Variants in RAPGEF4 observed in about 807,000 individuals in gnomAD.
The protein encoded by RAPGEF4 is Rap guanine nucleotide exchange factor 4.
In RAPGEF4, 66 loss-of-function variants were observed where a neutral mutation model predicts 147.9. The ratio of observed to expected loss-of-function variants is 0.45; its 90% CI spans 0.37 to 0.55. The LOEUF (loss-of-function observed/expected upper bound fraction) is 0.55, where lower values mean the gene tolerates loss of function less well. RAPGEF4 is among the 20% of genes least tolerant of loss of function. RAPGEF4 has a pLI of 0.00. For missense variants in RAPGEF4, 1,071 were observed against 1,257.3 expected (o/e 0.85, Z 2.24); for synonymous variants, 419 against 442.7 (o/e 0.95, Z 0.67).
At chr2:172,847,051 T>C (rs1234471694) in intron 4 of RAPGEF4, among the ~76,000 whole-genome samples, 1 of 152,164 alleles carries the variant, frequency 6.6e-6, no homozygotes, top group Non-Finnish European at 1.5e-5. Flanking sequence ...GATGATTGAA[T>C]ACCATTCTGG....
chr2:172,993,250 G>T (rs1323581989), intron 15 of RAPGEF4, among the ~76,000 whole-genome samples: 1 of 152,176 alleles, frequency 6.6e-6, no homozygotes, highest in African/African-American at 2.4e-5. Flanking sequence ...ATTCCATGGA[G>T]CCCTTAGTCG....
In RAPGEF4 at chr2:172,919,016, C is replaced by T. The variant is rs1198042129; in HGVS notation, c.517+1142C>T. On this transcript the variant is annotated intron_variant, in intron 5 of 30. Transcript: ENST00000397081. ...AGCCTCTGCCCTGTCTCCCCATTTG[C>T]CTTCTGCTTTCCTGCAGAGGAGGAG... Among the ~76,000 whole-genome samples, 6 of 152,274 alleles carry T rather than the reference C, an allele frequency of 3.9e-5. No individual in the cohort carries two copies. In the South Asian group the frequency reaches 1.2e-3, roughly 32 times the overall value.
intron 4 of RAPGEF4, among the ~76,000 whole-genome samples, chr2:172,846,647 C>T (rs946118657): frequency 6.6e-6 from 1 of 152,134 alleles, no homozygotes; most frequent in African/African-American, 2.4e-5. Context: ...TGTTGAATAG[C>T]CCTCATGGTG....
chr2:172,949,937 C>A (rs1473369435), intron 6 of RAPGEF4, among the ~76,000 whole-genome samples: 1 of 152,152 alleles, frequency 6.6e-6, no homozygotes, highest in Non-Finnish European at 1.5e-5. Flanking sequence ...GAAAATACTT[C>A]CAAAGTTTTG....
At chr2:172,911,208 C>T (rs1365979070) in intron 4 of RAPGEF4, among the ~76,000 whole-genome samples, 1 of 152,156 alleles carries the variant, frequency 6.6e-6, no homozygotes, top group Non-Finnish European at 1.5e-5. Context: ...GTACAGTTCC[C>T]TGATGATGCT....
intron 21 of RAPGEF4, 117 bp from the exon 22 acceptor site, chr2:173,018,539 G>A: frequency 2.7e-6 from 3 of 1,131,782 alleles, no homozygotes; most frequent in Non-Finnish European, 2.5e-6. Context: ...AATAAATACA[G>A]TAACAAAAAT....
Position 172,735,908 on chromosome 2 carries a change from A to AGGCGGG in RAPGEF4, c.-70_-65dup. Reference sequence around the variant, plus strand: ...AGGAGCGGGGTCCGCGCGGCGGACGAGGCGGGGGCGGAGGCGCAGGCAGAG... The same window carrying AGGCGGG: ...AGGAGCGGGGTCCGCGCGGCGGACGAGGCGGGGGCGGGGGCGGAGGCGCAGGCAGAG... On this transcript the variant is annotated 5_prime_UTR_variant, in exon 1 of 31. Coordinates refer to ENST00000397081, the MANE Select transcript of RAPGEF4 (RefSeq NM_007023.4). The AGGCGGG allele has an allele frequency of 1.6e-6, 2 of 1,263,824 alleles. No individual in the cohort carries two copies. The highest frequency in any genetic ancestry group is 1.0e-6 in the Non-Finnish European group (1 of 980,766). The allele number at this position is 1,263,824 out of a possible 1,614,324, so 78.3% of individuals were successfully genotyped here. A position where few individuals can be genotyped will look rare whatever the true frequency, so the allele number is the denominator to read the frequency against.
chr2:173,050,115 T>A (rs1415679627), intron 30 of RAPGEF4, among the ~76,000 whole-genome samples: 4 of 152,106 alleles, frequency 2.6e-5, no homozygotes, highest in Admixed American at 2.0e-4. Context: ...AAGGGGAAAA[T>A]GTATTTAAAA....
intron 1 of RAPGEF4, among the ~76,000 whole-genome samples, chr2:172,782,859 G>A (rs1684809981): frequency 6.6e-6 from 1 of 152,154 alleles, no homozygotes; most frequent in Non-Finnish European, 1.5e-5. Flanking sequence ...AAGCATCCCC[G>A]TTTGGCTGGG....
chr2:172,953,567 C>T (rs1280474897), intron 6 of RAPGEF4, among the ~76,000 whole-genome samples: 1 of 151,978 alleles, frequency 6.6e-6, no homozygotes, highest in Non-Finnish European at 1.5e-5. Context: ...CCCCACTGAC[C>T]ACTATTAACT....
chr2:172,765,637 G>A (rs1696762747), intron 1 of RAPGEF4, among the ~76,000 whole-genome samples: 1 of 152,174 alleles, frequency 6.6e-6, no homozygotes, highest in Non-Finnish European at 1.5e-5. Flanking sequence ...AGTTTTATGT[G>A]TATGTAAGCC....
intron 15 of RAPGEF4, among the ~76,000 whole-genome samples, chr2:172,992,136 A>G (rs1370436668): frequency 1.3e-5 from 2 of 152,162 alleles, no homozygotes; most frequent in African/African-American, 4.8e-5. Flanking sequence ...CATACTCAAC[A>G]CTGTTTAGTA....
chr2:172,814,509 G>A, intron 4 of RAPGEF4, 84 bp downstream of exon 4: 3 of 1,471,224 alleles, frequency 2.0e-6, no homozygotes, highest in Admixed American at 1.7e-5. Flanking sequence ...TTACAGTCAA[G>A]CCTTAATGTG....
rs1684105890 is a variant in RAPGEF4 at position 173,037,023 on chromosome 2, G to A, written c.2853+331G>A. Among the ~76,000 whole-genome samples, 3 of 152,124 alleles carry A rather than the reference G, an allele frequency of 2.0e-5. No individual in the cohort carries two copies. In the South Asian group the frequency reaches 6.2e-4, roughly 31 times the overall value. On this transcript the variant is annotated intron_variant, in intron 29 of 30. Coordinates refer to ENST00000397081, the MANE Select transcript of RAPGEF4 (RefSeq NM_007023.4). ...GCTATAACGTTTGTGGAGCTAGACT[G>A]CCCCAGGATGCCTTTGAAAGGTTTA...
In RAPGEF4 at chr2:172,925,779, G is replaced by C. The variant is rs1295863638; in HGVS notation, c.537+3479G>C. Among the ~76,000 whole-genome samples the C allele has an allele frequency of 5.5e-4, 11 of 19,996 alleles. No individual in the cohort carries two copies. The East Asian group carries it at 0.02, about 37-fold the overall frequency. The allele number at this position is 19,996 out of a possible 152,430, so 13.1% of individuals were successfully genotyped here. On this transcript the variant is annotated intron_variant, in intron 6 of 30. Coordinates refer to ENST00000397081, the MANE Select transcript of RAPGEF4 (RefSeq NM_007023.4). ...AGAGAGAAAGGAAGAAAGAAAGAAA[G>C]AGAGAGAGAGAGAGAGAGAAAGAAA...
intron 4 of RAPGEF4, among the ~76,000 whole-genome samples, chr2:172,866,101 A>G (rs1396899410): frequency 6.6e-6 from 1 of 152,004 alleles, no homozygotes; most frequent in Non-Finnish European, 1.5e-5. Flanking sequence ...ATGGGCTTCT[A>G]CCATTCCAAT....
intron 7 of RAPGEF4, 56 bp downstream of exon 7, chr2:172,960,869 G>A (rs1689217157): frequency 7.1e-7 from 1 of 1,402,770 alleles, no homozygotes; most frequent in African/African-American, 1.4e-5. Context: ...AAGTACCTCT[G>A]GAGGTGGTCC....
intron 29 of RAPGEF4, among the ~76,000 whole-genome samples, chr2:173,046,474 T>A (rs147253544): frequency 6.6e-6 from 1 of 152,196 alleles, no homozygotes; most frequent in South Asian, 2.1e-4. Context: ...CAGAGGGGCA[T>A]ACTGGCAGCA....
chr2:173,036,098 T>C, intron 27 of RAPGEF4, 27 bp from the exon 28 acceptor site: 1 of 1,526,404 alleles, frequency 6.6e-7, no homozygotes. Context: ...CACCAGTCAT[T>C]ACCATCATCT....
Sources: gnomAD v4.1 joint callset for allele counts (sites outside exome capture counted in the v4.1 genomes callset) on GRCh38, gnomAD v4.1.1 for gene constraint, MANE v1.5 for transcripts, NCBI Gene and HGNC (gene_info 2026-07-23, HGNC 2026-07-21) for gene names.